CSPG4: variants seen among roughly 807,000 people sequenced by gnomAD.
CSPG4 encodes the protein chondroitin sulfate proteoglycan 4 (melanoma-associated).
CSPG4 carries 74 observed loss-of-function variants against 139.3 expected under a neutral mutation model. The observed-to-expected ratio is 0.53, with a 90% CI of 0.44 to 0.64. CSPG4 has a LOEUF of 0.64. Ranked by LOEUF, CSPG4 falls within the 30% of genes least tolerant of loss-of-function variation. CSPG4 has a pLI of 0.00. For synonymous variants in CSPG4, 1,234 were observed against 1,394.2 expected, an observed-to-expected ratio of 0.89 and a Z score of 2.56; for missense variants, 2,565 against 3,148.3, an observed-to-expected ratio of 0.81 and a Z score of 4.43.
Position 75,688,261 on chromosome 15 carries a change from T to C in CSPG4, c.2804A>G (p.Glu935Gly). Residue 935 changes from glutamate to glycine, a missense_variant, in exon 3 of 10, where the codon GAG becomes GGG. Physicochemically the swap from Glu to Gly is moderately conservative, Grantham distance 98. This residue lies in a region of CSPG4 where 2,316 missense variants were observed against 2,818.2 expected (regional missense o/e 0.82). Transcript: ENST00000308508. ...CCCATGGCGGGGCCGCTCCATGACC[T>C]CATAGAGGTAGCTGGCACTGTTGAG... ...KSLNSASYLY[E>G]VMERPRHGRL... The C allele has an allele frequency of 6.2e-7, 1 of 1,612,954 alleles. No individual in the cohort carries two copies. Among genetic ancestry groups the C allele is most frequent in the Non-Finnish European group, 8.5e-7 (1 of 1,180,002 alleles).
Position 75,687,115 on chromosome 15 carries a change from C to T in CSPG4, c.3789+161G>A, listed in dbSNP as rs1894069961. ...TGTATAGCAAGCTCCCCAGAAACTC[C>T]TGGGAGCACAACATATACGGGAGCA... On this transcript the variant is annotated intron_variant, in intron 3 of 9. Coordinates refer to ENST00000308508, the MANE Select transcript of CSPG4 (RefSeq NM_001897.5). The surrounding 1 kb of genome is among the most constrained non-coding windows in gnomAD (Gnocchi z 5.4). 6.6e-6 allele frequency among the ~76,000 whole-genome samples: 1 copy of T among 152,112 alleles called. No individual in the cohort carries two copies. Among genetic ancestry groups the T allele is most frequent in the Non-Finnish European group, 1.5e-5 (1 of 68,008 alleles).
Position 75,677,875 on chromosome 15 carries a change from C to A in CSPG4, c.4962G>T (p.Gly1654=), listed in dbSNP as rs1267529808. 1.9e-6 allele frequency: 3 copies of A among 1,610,096 alleles called. No individual in the cohort carries two copies. The highest frequency in any genetic ancestry group is 3.4e-5 in the Admixed American group (2 of 59,350). ...GCATCTCATGCTCATACAGAATATT[C>A]CCAGCGTAGACCTAGGGGAGACACC... ...VNFTQAEVYA[G]NILYEHEMPP... Residue 1654 remains glycine (G), a synonymous_variant, in exon 9 of 10, where the codon GGG becomes GGT. Transcript: ENST00000308508.
At chr15:75,692,639 C>T (rs1429928020) in intron 2 of CSPG4, among the ~76,000 whole-genome samples, 1 of 152,196 alleles carries the variant, frequency 6.6e-6, no homozygotes, top group African/African-American at 2.4e-5. Flanking sequence ...GCACAGGGGT[C>T]ATGGGGGCTC....
At chr15:75,702,477 G>T (rs1055605242) in intron 1 of CSPG4, among the ~76,000 whole-genome samples, 2 of 152,264 alleles carry the variant, frequency 1.3e-5, no homozygotes, top group African/African-American at 2.4e-5. Context: ...GAGCCTTGGG[G>T]ACAAGACTGA....
chr15:75,681,043 T>C (rs1015504268), intron 8 of CSPG4, among the ~76,000 whole-genome samples: 8 of 152,286 alleles, frequency 5.3e-5, no homozygotes, highest in South Asian at 2.1e-4. Context: ...CCGTGCCCTC[T>C]CCATTCCTGG....
chr15:75,704,902 C>T (rs1894349730), intron 1 of CSPG4, among the ~76,000 whole-genome samples: 1 of 152,204 alleles, frequency 6.6e-6, no homozygotes, highest in Non-Finnish European at 1.5e-5. Flanking sequence ...AGCTGTCCCA[C>T]GTCCCTGGGC....
chr15:75,690,675 G>A lies in CSPG4; in HGVS notation c.390C>T (p.Asn130=), dbSNP rs542586196. The part of the protein sequence containing the change: ...WATLSVDGFL[N]ASSAVPGAPL... ...GGGCTCCTGGGACTGCTGAGGAGGC[G>A]TTCAGAAACCCATCGACTGACAACG... The change falls in exon 3 of 10, where the codon AAC becomes AAT. Residue 130 remains asparagine (N), a synonymous_variant. Transcript: ENST00000308508. 6.0e-5 allele frequency: 97 copies of A among 1,612,764 alleles called. 1 individual carries two copies. In the South Asian group the frequency reaches 7.8e-4, roughly 13 times the overall value.
In CSPG4 at chr15:75,682,915, C is replaced by A. The variant is rs201339927; in HGVS notation, c.4576G>T (p.Ala1526Ser). Residue 1526 changes from alanine (A) to serine (S), a missense_variant, in exon 6 of 10, where the codon GCG becomes TCG. Ala to Ser is a moderately conservative substitution (Grantham distance 99). Coordinates refer to ENST00000308508, the MANE Select transcript of CSPG4 (RefSeq NM_001897.5). ...AAGCTGCGCACCTCAGTGCCCGGCG[C>A]CCCCCGCAGCACTACCCGCCCGTTG... Reference protein sequence around the residue: ...PSNGRVVLRGAPGTEVRSFTQ... With the variant: ...PSNGRVVLRGSPGTEVRSFTQ... 4 of 1,610,704 alleles carry A rather than the reference C, an allele frequency of 2.5e-6. No homozygotes were observed. The highest frequency in any genetic ancestry group is 3.4e-6 in the Non-Finnish European group (4 of 1,179,562).
At position 75,688,016 on chromosome 15, in the gene CSPG4, G is replaced by A; in HGVS notation, c.3049C>T (p.His1017Tyr). 1 of 1,611,994 alleles carries A rather than the reference G, an allele frequency of 6.2e-7. No individual in the cohort carries two copies. Among genetic ancestry groups the A allele is most frequent in the Non-Finnish European group, 8.5e-7 (1 of 1,179,382 alleles). ...CGGCTGATGGTCTGCACAGGGGCGT[G>A]GTCATTCACGGGCTGGATGGCCACT... is the stretch of plus-strand genomic sequence containing the variant. ...FRVAIQPVND[H>Y]APVQTISRIF... Residue 1017 changes from histidine (H) to tyrosine (Y), a missense_variant, in exon 3 of 10, where the codon CAC becomes TAC. This residue lies in a region of CSPG4 where 2,316 missense variants were observed against 2,818.2 expected (regional missense o/e 0.82). Transcript: ENST00000308508.
rs543026251 is a variant in CSPG4 at position 75,693,151 on chromosome 15, C to T, written c.171G>A (p.Thr57=). Residue 57 remains threonine (T), a synonymous_variant, in exon 2 of 10, where the codon ACG becomes ACA. Coordinates refer to ENST00000308508, the MANE Select transcript of CSPG4 (RefSeq NM_001897.5). ...TDIDLQLQFS[T]SQPEALLLLA... ...GGAGAAGGAGGGCTTCGGGCTGGGA[C>T]GTGGAGAACTGCAGCTGCAGGTCTA... The T allele has an allele frequency of 1.7e-5, 27 of 1,603,060 alleles. No individual in the cohort carries two copies. The highest frequency in any genetic ancestry group is 4.5e-5 in the East Asian group (2 of 44,640).
Position 75,676,270 on chromosome 15 carries a change from G to A in CSPG4, c.6249C>T (p.Phe2083=). 6.3e-7 allele frequency: 1 copy of A among 1,578,768 alleles called. No homozygotes were observed. Among genetic ancestry groups the A allele is most frequent in the Non-Finnish European group, 8.6e-7 (1 of 1,167,420 alleles). Residue 2083 remains phenylalanine (F), a synonymous_variant, in exon 10 of 10, where the codon TTC becomes TTT. Coordinates refer to ENST00000308508, the MANE Select transcript of CSPG4 (RefSeq NM_001897.5). ...LANRTGSVPR[F]RLLEGPRHGR... ...CATGCCGGGGTCCCTCCAGGAGGCG[G>A]AAGCGCGGCACACTGCCTGTGCGGT...
Position 75,676,585 on chromosome 15 carries a change from TG to T in CSPG4, c.5933del (p.Ala1978AspfsTer28), listed in dbSNP as rs751156229. 2 of 1,613,030 alleles carry T rather than the reference TG, an allele frequency of 1.2e-6. No individual in the cohort carries two copies. The highest frequency in any genetic ancestry group is 1.7e-6 in the Non-Finnish European group (2 of 1,179,852). ...ACTGGGGTCCCTGGATGAGGCGGTA[TG>T]CTGCCTCTGGCTCCTCCCGATCTGA... ...VVSDREEPEA[A>X]YRLIQGPQYG... On this transcript the variant is annotated frameshift_variant, in exon 10 of 10. Coordinates refer to ENST00000308508, the MANE Select transcript of CSPG4 (RefSeq NM_001897.5). LOFTEE classifies it high-confidence loss of function.
intron 1 of CSPG4, among the ~76,000 whole-genome samples, chr15:75,699,785 A>G (rs947906742): frequency 2.6e-5 from 4 of 152,056 alleles, no homozygotes; most frequent in African/African-American, 9.7e-5. Context: ...GCCTCAGGCG[A>G]GGAGGGTGGG....
chr15:75,694,967 A>G (rs112970487), intron 1 of CSPG4, among the ~76,000 whole-genome samples: 2,080 of 152,350 alleles, frequency 0.014, 60 homozygotes, highest in African/African-American at 0.048. Flanking sequence ...CCTGCAGGAT[A>G]GAGCCACCAC....
At chr15:75,711,889 C>T (rs1453921624) in intron 1 of CSPG4, among the ~76,000 whole-genome samples, 4 of 152,094 alleles carry the variant, frequency 2.6e-5, no homozygotes, top group Admixed American at 6.5e-5. Flanking sequence ...CAGCACTTCT[C>T]GGAAAGCGAA....
In CSPG4 at chr15:75,690,611, C is replaced by T; in HGVS notation, c.454G>A (p.Gly152Arg). 6.2e-7 allele frequency: 1 copy of T among 1,609,854 alleles called. No homozygotes were observed. Among genetic ancestry groups the T allele is most frequent in the Non-Finnish European group, 8.5e-7 (1 of 1,178,986 alleles). Residue 152 changes from glycine (G) to arginine (R), a missense_variant, in exon 3 of 10, where the codon GGG (glycine) becomes AGG (arginine). Gly to Arg is a moderately radical substitution (Grantham distance 125). Around this residue, in one of 5 missense-constraint regions of CSPG4, gnomAD observed 132 missense variants for 132.3 expected, o/e 1.00. Coordinates refer to ENST00000308508, the MANE Select transcript of CSPG4 (RefSeq NM_001897.5). ...VPYGLFVGGT[G>R]TLGLPYLRGT... ...CTCAGGTAGGGCAGGCCAAGGGTCCCAGTGCCCCCAACAAAGAGCCCATAG... is the reference window on the plus strand; with the variant it reads ...CTCAGGTAGGGCAGGCCAAGGGTCCTAGTGCCCCCAACAAAGAGCCCATAG...
At chr15:75,709,811 C>A (rs1189226915) in intron 1 of CSPG4, among the ~76,000 whole-genome samples, 1 of 152,154 alleles carries the variant, frequency 6.6e-6, no homozygotes, top group African/African-American at 2.4e-5. Context: ...CCAGGCCCCC[C>A]AGGCGGGCAG....
chr15:75,675,067 T>G lies in CSPG4; in HGVS notation c.*483A>C. ...TCCCTAAAAAACCAGGGGAGGAAGT[T>G]TTTTTCTCAACTCTGGGGCAGAGAC... is the stretch of plus-strand genomic sequence containing the variant. On this transcript the variant is annotated 3_prime_UTR_variant, in exon 10 of 10. Coordinates refer to ENST00000308508, the MANE Select transcript of CSPG4 (RefSeq NM_001897.5). 1 of 371,740 alleles carries G rather than the reference T, an allele frequency of 2.7e-6. No homozygotes were observed. Among genetic ancestry groups the G allele is most frequent in the Non-Finnish European group, 4.8e-6 (1 of 209,364 alleles). 23.0% of individuals were successfully genotyped at this position (371,740 alleles called of 1,614,324 possible).
rs112116570 is a variant in CSPG4, at chr15:75,694,266, C to T, written c.89-1033G>A. On this transcript the variant is annotated intron_variant, in intron 1 of 9. Transcript: ENST00000308508. ...GTTCTGTCCCATACTGGGACTCCTC[C>T]TCTTTTGAATTGCTGCTTCCTCCAG... is the stretch of plus-strand genomic sequence containing the variant. Among the ~76,000 whole-genome samples the T allele has an allele frequency of 2.6e-3, 389 of 152,356 alleles. 3 individuals are homozygous for T. Among genetic ancestry groups the T allele is most frequent in the African/African-American group, 9.0e-3 (375 of 41,580 alleles).
Sources: gnomAD v4.1 joint callset for allele counts (sites outside exome capture counted in the v4.1 genomes callset) on GRCh38, gnomAD v4.1.1 for gene constraint, gnomAD v4.1.1 regional missense constraint, Gnocchi (gnomAD v3.1) non-coding constraint, MANE v1.5 for transcripts, NCBI Gene and HGNC (gene_info 2026-07-23, HGNC 2026-07-21) for gene names.